STX8: variants seen among roughly 807,000 people sequenced by gnomAD.
STX8 encodes syntaxin-8.
STX8 carries 23 observed loss-of-function variants against 37.5 expected under a neutral mutation model. The ratio of observed to expected loss-of-function variants is 0.61; its 90% CI spans 0.44 to 0.87. STX8 has a LOEUF of 0.87. Ranked by LOEUF, STX8 falls within the 40% of genes least tolerant of loss-of-function variation. STX8 has a pLI of 0.00. For missense variants in STX8, 313 were observed against 284.7 expected (o/e 1.10, Z -0.71); for synonymous variants, 115 against 99.1 (o/e 1.16, Z -0.95).
chr17:9,269,578 C>A (rs1322628661), intron 7 of STX8, among the ~76,000 whole-genome samples: 4 of 152,206 alleles, frequency 2.6e-5, no homozygotes, highest in Non-Finnish European at 4.4e-5. Flanking sequence ...CTTATCCACT[C>A]TTCTGGAAAA....
At chr17:9,281,181 G>A (rs1907867601) in intron 7 of STX8, among the ~76,000 whole-genome samples, 1 of 152,204 alleles carries the variant, frequency 6.6e-6, no homozygotes, top group African/African-American at 2.4e-5. Flanking sequence ...GGCGATGCAG[G>A]AAGTGACAGG....
chr17:9,421,392 CAA>C lies in STX8; in HGVS notation c.542-42741_542-42740del, dbSNP rs1555525649. ...GGGCAATAAGAGCAAAACTCCATCT[CAA>C]AAAAAAAAAAAAAAAAAATTTTTTT... is the stretch of plus-strand genomic sequence containing the variant. On this transcript the variant is annotated intron_variant, in intron 6 of 7. Coordinates refer to ENST00000306357, the MANE Select transcript of STX8 (RefSeq NM_004853.3). Among the ~76,000 whole-genome samples the C allele has an allele frequency of 8.1e-3, 457 of 56,738 alleles. 4 individuals carry two copies. Among genetic ancestry groups the C allele is most frequent in the African/African-American group, 0.025 (376 of 15,156 alleles). 37.2% of individuals were successfully genotyped at this position (56,738 alleles called of 152,430 possible).
At chr17:9,562,077 C>G (rs1189652995) in intron 2 of STX8, among the ~76,000 whole-genome samples, 1 of 147,984 alleles carries the variant, frequency 6.8e-6, no homozygotes, top group Non-Finnish European at 1.5e-5. Flanking sequence ...TATATGGAAG[C>G]AATTAGATTG....
intron 4 of STX8, among the ~76,000 whole-genome samples, chr17:9,523,407 T>TAC (rs1567596647): frequency 1.5e-5 from 2 of 136,238 alleles, no homozygotes; most frequent in African/African-American, 2.8e-5. Flanking sequence ...CACACACACA[T>TAC]ATATATATTT....
At chr17:9,317,857 G>C (rs1258104291) in intron 7 of STX8, among the ~76,000 whole-genome samples, 3 of 152,114 alleles carry the variant, frequency 2.0e-5, no homozygotes, top group African/African-American at 7.2e-5. Context: ...AGTGTAGGTA[G>C]GTGTTGCTGT....
chr17:9,295,504 G>A (rs555523304), intron 7 of STX8, among the ~76,000 whole-genome samples: 10 of 152,280 alleles, frequency 6.6e-5, no homozygotes, highest in South Asian at 4.2e-4. Flanking sequence ...CAGCACTTTC[G>A]GGAGCTGAGG....
chr17:9,558,996 T>C (rs1907101836), intron 2 of STX8, among the ~76,000 whole-genome samples: 3 of 152,046 alleles, frequency 2.0e-5, no homozygotes, highest in African/African-American at 4.8e-5. Context: ...CATAGAAAGA[T>C]ATCCATCACA....
rs373862653 is a variant in STX8, at chr17:9,478,406, G to C, written c.541+13423C>G. On this transcript the variant is annotated intron_variant, in intron 6 of 7. Coordinates refer to ENST00000306357, the MANE Select transcript of STX8 (RefSeq NM_004853.3). ...CCTCCTTGGCCTCCCAAAGTGCTGG[G>C]ATTACAGGCTCCAGCCACTGCGCCC... Among the ~76,000 whole-genome samples, 8 of 152,292 alleles carry C rather than the reference G, an allele frequency of 5.3e-5. No homozygotes were observed. The South Asian group carries it at 1.2e-3, about 24-fold the overall frequency.
intron 6 of STX8, among the ~76,000 whole-genome samples, chr17:9,405,320 T>C (rs920517624): frequency 4.6e-5 from 7 of 152,158 alleles, no homozygotes; most frequent in Admixed American, 2.0e-4. Flanking sequence ...GTAGAACACA[T>C]TGATGCCTTC....
chr17:9,435,278 G>T (rs1904390583), intron 6 of STX8, among the ~76,000 whole-genome samples: 1 of 152,192 alleles, frequency 6.6e-6, no homozygotes, highest in Non-Finnish European at 1.5e-5. Flanking sequence ...ATGGATCTAG[G>T]AATGTAGAAA....
At chr17:9,366,648 T>A (rs9896433) in intron 7 of STX8, among the ~76,000 whole-genome samples, 3 of 152,124 alleles carry the variant, frequency 2.0e-5, no homozygotes, top group Admixed American at 6.5e-5. Flanking sequence ...AACAAAAATC[T>A]TTTAAAAAGC....
At chr17:9,573,080 A>AAC (rs1907746427) in intron 1 of STX8, among the ~76,000 whole-genome samples, 2 of 101,574 alleles carry the variant, frequency 2.0e-5, no homozygotes, top group Non-Finnish European at 4.0e-5. Context: ...CACCCCCAAC[A>AAC]CCCCCCCCCA....
chr17:9,520,793 T>C (rs780231026), intron 4 of STX8, among the ~76,000 whole-genome samples: 15 of 152,226 alleles, frequency 9.9e-5, no homozygotes, highest in Non-Finnish European at 1.6e-4. Flanking sequence ...AGAATTGAAA[T>C]AGCAGTGAAT....
intron 7 of STX8, among the ~76,000 whole-genome samples, chr17:9,314,684 A>T (rs1247375311): frequency 6.7e-6 from 1 of 150,264 alleles, no homozygotes; most frequent in Non-Finnish European, 1.5e-5. Context: ...CTGGGATTAC[A>T]GGCATGAGCC....
chr17:9,399,614 C>T (rs933125407), intron 6 of STX8, among the ~76,000 whole-genome samples: 1 of 151,984 alleles, frequency 6.6e-6, no homozygotes, highest in African/African-American at 2.4e-5. Context: ...ACCTGTAGTC[C>T]CAGTACTTTG....
intron 7 of STX8, among the ~76,000 whole-genome samples, chr17:9,372,624 C>T (rs920067562): frequency 2.2e-4 from 33 of 151,476 alleles, no homozygotes; most frequent in African/African-American, 7.5e-4. Context: ...ATTACAGGCA[C>T]GCACCACCAC....
chr17:9,506,126 C>T (rs865944428), intron 4 of STX8, among the ~76,000 whole-genome samples: 4 of 152,022 alleles, frequency 2.6e-5, no homozygotes, highest in Non-Finnish European at 5.9e-5. Context: ...CAGTTGGTCT[C>T]GCTGTCTAAG....
At chr17:9,490,441 G>A (rs112322142) in intron 6 of STX8, among the ~76,000 whole-genome samples, 104 of 152,122 alleles carry the variant, frequency 6.8e-4, no homozygotes, top group African/African-American at 2.2e-3. Flanking sequence ...GTACAATCTC[G>A]GCTCACCACA....
intron 4 of STX8, among the ~76,000 whole-genome samples, chr17:9,508,714 C>G (rs944317376): frequency 2.0e-5 from 3 of 152,150 alleles, no homozygotes; most frequent in African/African-American, 4.8e-5. Flanking sequence ...AGAAAGCCTA[C>G]AGAATTCATG....
Sources: allele counts gnomAD v4.1 joint callset (sites outside exome capture counted in the v4.1 genomes callset), GRCh38; gene constraint gnomAD v4.1.1; transcripts MANE v1.5; gene names NCBI Gene and HGNC (gene_info 2026-07-23, HGNC 2026-07-21).